The following NTNG1 variants were observed in gnomAD, a reference collection of about 807,000 sequenced individuals.
NTNG1 encodes netrin-G1.
In NTNG1, 16 loss-of-function variants were observed where a neutral mutation model predicts 54.0. The ratio of observed to expected loss-of-function variants is 0.30; its 90% confidence interval spans 0.20 to 0.45. The LOEUF is 0.45. NTNG1 is among the 20% of genes least tolerant of loss of function. NTNG1 has a pLI of 1.00. For missense variants in NTNG1, 530 were observed against 678.7 expected (o/e 0.78, Z 2.43); for synonymous variants, 255 against 263.1 (o/e 0.97, Z 0.30).
chr1:107,315,267 C>G (rs551775804), intron 2 of NTNG1, among the ~76,000 whole-genome samples: 1 of 152,104 alleles, frequency 6.6e-6, no homozygotes, highest in African/African-American at 2.4e-5. Context: ...CCTCGCACCC[C>G]GTATCAAGCC....
chr1:107,412,480 C>T (rs1432918366), intron 5 of NTNG1, among the ~76,000 whole-genome samples: 1 of 152,190 alleles, frequency 6.6e-6, no homozygotes, highest in Non-Finnish European at 1.5e-5. Context: ...AAAGGCTACA[C>T]TCATAACATT....
intron 2 of NTNG1, 52 bp from the exon 3 acceptor site, chr1:107,324,230 A>T (rs1000679327): frequency 1.9e-6 from 3 of 1,561,292 alleles, no homozygotes; most frequent in Non-Finnish European, 2.6e-6. Context: ...ATATGGCAAG[A>T]CTTGTGGCAA....
intron 2 of NTNG1, among the ~76,000 whole-genome samples, chr1:107,154,687 ACTT>A (rs976210063): frequency 4.6e-5 from 7 of 150,554 alleles, no homozygotes; most frequent in Non-Finnish European, 7.4e-5. Flanking sequence ...TTAATGGTAG[ACTT>A]CTTCTTCTAT....
chr1:107,460,185 C>T (rs1022043490), intron 7 of NTNG1, among the ~76,000 whole-genome samples: 1 of 152,136 alleles, frequency 6.6e-6, no homozygotes, highest in East Asian at 1.9e-4. Flanking sequence ...AGTCTGGGTT[C>T]TCGTCGTGAG....
intron 2 of NTNG1, among the ~76,000 whole-genome samples, chr1:107,154,595 C>CAAAAAAAA (rs59619310): frequency 2.1e-5 from 1 of 47,752 alleles, no homozygotes; most frequent in Non-Finnish European, 4.0e-5. Context: ...GACCCTGTCT[C>CAAAAAAAA]AAAAAAAAAA....
intron 2 of NTNG1, among the ~76,000 whole-genome samples, chr1:107,250,818 A>T (rs933762346): frequency 7.2e-5 from 11 of 152,182 alleles, no homozygotes; most frequent in African/African-American, 2.7e-4. Context: ...AAAGCAGCCA[A>T]CCCGCCAGGC....
intron 7 of NTNG1, among the ~76,000 whole-genome samples, chr1:107,441,237 T>C (rs1235562013): frequency 6.6e-5 from 1 of 15,122 alleles, no homozygotes; most frequent in Non-Finnish European, 4.2e-4. Flanking sequence ...ATTTATGACT[T>C]TTCAGTTTGG....
rs569247851 is a variant in NTNG1, at chr1:107,307,059, C to T, written c.247-17223C>T. Among the ~76,000 whole-genome samples the T allele has an allele frequency of 1.1e-4, 17 of 152,260 alleles. No individual in the cohort carries two copies. The South Asian group carries it at 1.4e-3, about 13-fold the overall frequency. On this transcript the variant is annotated intron_variant, in intron 2 of 7. Coordinates refer to ENST00000370068, the MANE Select transcript of NTNG1 (RefSeq NM_001113226.3). ...CAAGGCTGGGAGAATTGTGTTCTTT[C>T]TAATTTGTCCGTAGCTGCTACAACA...
At chr1:107,292,706 A>T (rs1409134424) in intron 2 of NTNG1, among the ~76,000 whole-genome samples, 2 of 152,036 alleles carry the variant, frequency 1.3e-5, no homozygotes, top group Admixed American at 1.3e-4. Flanking sequence ...GCCTCTGTAA[A>T]CACACTGCAC....
chr1:107,312,258 A>G (rs1557890139), intron 2 of NTNG1, among the ~76,000 whole-genome samples: 1 of 152,148 alleles, frequency 6.6e-6, no homozygotes, highest in Non-Finnish European at 1.5e-5. Context: ...ATTGATGAAG[A>G]ATAAGGAATA....
At chr1:107,480,569 T>TACCCC in intron 7 of NTNG1, 42 bp from the exon 8 acceptor site, 4 of 609,590 alleles carry the variant, frequency 6.6e-6, no homozygotes, top group Non-Finnish European at 1.2e-5. Flanking sequence ...CTGCTTCTCC[T>TACCCC]CCCCGCGCCC....
intron 3 of NTNG1, among the ~76,000 whole-genome samples, chr1:107,370,892 T>C (rs948473310): frequency 6.6e-6 from 1 of 152,164 alleles, no homozygotes; most frequent in Non-Finnish European, 1.5e-5. Context: ...AACAGTTTGT[T>C]ACCACTATTT....
chr1:107,413,621 C>T (rs912124001), intron 5 of NTNG1, among the ~76,000 whole-genome samples: 5 of 152,098 alleles, frequency 3.3e-5, no homozygotes, highest in Admixed American at 6.6e-5. Context: ...AGCAGTGGCA[C>T]ATCATATCAT....
chr1:107,439,405 T>C (rs2101401866), intron 7 of NTNG1, among the ~76,000 whole-genome samples: 1 of 152,102 alleles, frequency 6.6e-6, no homozygotes, highest in African/African-American at 2.4e-5. Flanking sequence ...TTTTATGTTG[T>C]CAGGGAGGAA....
At chr1:107,451,378 C>T (rs1376342562) in intron 7 of NTNG1, among the ~76,000 whole-genome samples, 2 of 151,976 alleles carry the variant, frequency 1.3e-5, no homozygotes, top group African/African-American at 4.8e-5. Flanking sequence ...AACTAAAAGG[C>T]ACTGAGGAAC....
intron 7 of NTNG1, among the ~76,000 whole-genome samples, chr1:107,466,043 G>A (rs900508390): frequency 1.3e-5 from 2 of 152,082 alleles, no homozygotes; most frequent in Non-Finnish European, 2.9e-5. Flanking sequence ...CACATGATGG[G>A]GAGATTCTGA....
chr1:107,434,861 C>T, intron 6 of NTNG1, among the ~76,000 whole-genome samples: 1 of 152,128 alleles, frequency 6.6e-6, no homozygotes, highest in East Asian at 1.9e-4. Flanking sequence ...ATAAATGACA[C>T]TTTTAAAAAA....
At chr1:107,253,673 A>T (rs939602121) in intron 2 of NTNG1, among the ~76,000 whole-genome samples, 1 of 152,166 alleles carries the variant, frequency 6.6e-6, no homozygotes, top group Admixed American at 6.5e-5. Context: ...GGCTTCGCTG[A>T]TATTTAGCAG....
intron 2 of NTNG1, among the ~76,000 whole-genome samples, chr1:107,150,590 A>G (rs1557762180): frequency 6.6e-6 from 1 of 152,208 alleles, no homozygotes; most frequent in Non-Finnish European, 1.5e-5. Flanking sequence ...TAAGTAAAAT[A>G]GCAAATTTCC....
Sources: gnomAD v4.1 joint callset for allele counts (sites outside exome capture counted in the v4.1 genomes callset) on GRCh38, gnomAD v4.1.1 for gene constraint, MANE v1.5 for transcripts, NCBI Gene and HGNC (gene_info 2026-07-23, HGNC 2026-07-21) for gene names.